CPQ: variants seen among roughly 807,000 people sequenced by gnomAD.
CPQ encodes the protein carboxypeptidase Q, also known as Ser-Met dipeptidase.
A neutral mutation model predicts 45.7 loss-of-function variants in CPQ; 37 were observed. That is an observed-to-expected ratio of 0.81 (90% confidence interval 0.62 to 1.07). The LOEUF (loss-of-function observed/expected upper bound fraction) is 1.07. Among genes scored for constraint, CPQ ranks in the 50% least tolerant of loss-of-function variants. The probability of loss-of-function intolerance (pLI) is 0.00; values close to 1 mark genes in which losing one functional copy is unlikely to be tolerated. For missense variants in CPQ, 537 were observed against 572.9 expected (o/e 0.94, Z 0.64); for synonymous variants, 186 against 205.8 (o/e 0.90, Z 0.82).
intron 5 of CPQ, among the ~76,000 whole-genome samples, chr8:96,986,527 C>T (rs1259875779): frequency 6.6e-6 from 1 of 152,122 alleles, no homozygotes; most frequent in African/African-American, 2.4e-5. Context: ...CAATGCCCAG[C>T]ATGAAGAAGA....
At chr8:97,045,582 C>G (rs1349609459) in intron 6 of CPQ, among the ~76,000 whole-genome samples, 1 of 152,234 alleles carries the variant, frequency 6.6e-6, no homozygotes, top group Non-Finnish European at 1.5e-5. Context: ...TTCTGCGTCG[C>G]TCATGCTGGG....
At chr8:96,813,229 A>T (rs368110228) in intron 2 of CPQ, among the ~76,000 whole-genome samples, 2 of 152,242 alleles carry the variant, frequency 1.3e-5, no homozygotes, top group South Asian at 4.1e-4. Flanking sequence ...TAATCAAGAG[A>T]TATTCTAGGC....
At chr8:96,746,958 G>A (rs776837074) in intron 1 of CPQ, among the ~76,000 whole-genome samples, 2 of 152,144 alleles carry the variant, frequency 1.3e-5, no homozygotes, top group African/African-American at 2.4e-5. Flanking sequence ...TGGATTTTAA[G>A]TAGTATGTTA....
chr8:97,044,931 A>G (rs755590005), intron 6 of CPQ, among the ~76,000 whole-genome samples: 4 of 152,202 alleles, frequency 2.6e-5, no homozygotes, highest in Non-Finnish European at 5.9e-5. Context: ...CTGGGGGGTC[A>G]GGGGTCAGGG....
chr8:96,958,405 G>A (rs1813393561), intron 4 of CPQ, among the ~76,000 whole-genome samples: 1 of 152,000 alleles, frequency 6.6e-6, no homozygotes, highest in Admixed American at 6.6e-5. Flanking sequence ...TACTGTGGTT[G>A]CTGAGGCTAA....
intron 4 of CPQ, among the ~76,000 whole-genome samples, chr8:96,899,875 A>G (rs1812492978): frequency 6.8e-6 from 1 of 146,328 alleles, no homozygotes; most frequent in Admixed American, 6.9e-5. Context: ...TCTGGGTAAG[A>G]GAAAGTCGAT....
intron 1 of CPQ, among the ~76,000 whole-genome samples, chr8:96,659,746 T>C (rs1158253467): frequency 6.6e-6 from 1 of 152,208 alleles, no homozygotes; most frequent in East Asian, 1.9e-4. Context: ...AGGCTCATAG[T>C]CGGGGAGATT....
intron 5 of CPQ, among the ~76,000 whole-genome samples, chr8:97,017,422 G>T (rs1202863475): frequency 6.6e-6 from 1 of 152,188 alleles, no homozygotes; most frequent in African/African-American, 2.4e-5. Context: ...GAACTGGGGG[G>T]AGGGCATGAA....
chr8:96,769,734 C>T (rs559312302), intron 1 of CPQ, among the ~76,000 whole-genome samples: 49 of 147,186 alleles, frequency 3.3e-4, no homozygotes, highest in Non-Finnish European at 4.5e-4. Flanking sequence ...TGGGCTCAAA[C>T]AATTCTCACA....
chr8:97,104,588 G>A (rs1811373512), intron 7 of CPQ, among the ~76,000 whole-genome samples: 1 of 152,166 alleles, frequency 6.6e-6, no homozygotes, highest in Admixed American at 6.5e-5. Flanking sequence ...TAAACACACA[G>A]TTACACACAC....
chr8:97,082,350 G>A (rs965452008), intron 7 of CPQ, among the ~76,000 whole-genome samples: 8 of 151,796 alleles, frequency 5.3e-5, no homozygotes, highest in East Asian at 1.9e-4. Context: ...TATCTGACCC[G>A]GTTGGAAAAG....
intron 1 of CPQ, among the ~76,000 whole-genome samples, chr8:96,662,478 T>G (rs1452850376): frequency 6.6e-6 from 1 of 152,230 alleles, no homozygotes; most frequent in Non-Finnish European, 1.5e-5. Flanking sequence ...CAATGTTTAT[T>G]TGTAGTATAT....
chr8:97,038,140 A>G (rs979335134), intron 6 of CPQ, among the ~76,000 whole-genome samples: 1 of 152,220 alleles, frequency 6.6e-6, no homozygotes, highest in Non-Finnish European at 1.5e-5. Context: ...TTAGCCCAGT[A>G]CCTTTAAAGA....
chr8:96,649,386 C>T (rs1225210337), intron 1 of CPQ, among the ~76,000 whole-genome samples: 3 of 152,004 alleles, frequency 2.0e-5, no homozygotes, highest in Non-Finnish European at 4.4e-5. Context: ...AAGGAAGAGC[C>T]AGAAGGCCAC....
intron 3 of CPQ, among the ~76,000 whole-genome samples, chr8:96,844,120 A>C (rs185526490): frequency 5.9e-5 from 9 of 152,346 alleles, no homozygotes; most frequent in Admixed American, 5.9e-4. Flanking sequence ...AGTGGCAAAA[A>C]GAAATGAATG....
At chr8:96,872,413 G>A (rs1812083784) in intron 3 of CPQ, among the ~76,000 whole-genome samples, 1 of 151,782 alleles carries the variant, frequency 6.6e-6, no homozygotes, top group African/African-American at 2.4e-5. Context: ...TGCTTAAACT[G>A]TATGTGTAAT....
intron 1 of CPQ, among the ~76,000 whole-genome samples, chr8:96,752,578 G>A (rs1810275641): frequency 6.6e-6 from 1 of 152,156 alleles, no homozygotes; most frequent in African/African-American, 2.4e-5. Flanking sequence ...TGCAAACAAA[G>A]ATAATTTGAC....
intron 6 of CPQ, among the ~76,000 whole-genome samples, chr8:97,054,903 G>A (rs776766182): frequency 3.9e-5 from 6 of 152,168 alleles, no homozygotes; most frequent in Non-Finnish European, 7.3e-5. Flanking sequence ...AAAAACCACT[G>A]TACCCCTAAA....
At chr8:96,956,901 G>A (rs1227939752) in intron 4 of CPQ, among the ~76,000 whole-genome samples, 1 of 152,210 alleles carries the variant, frequency 6.6e-6, no homozygotes, top group African/African-American at 2.4e-5. Flanking sequence ...AGGATTAAAA[G>A]CTAGAGGTAC....
Sources: allele counts gnomAD v4.1 joint callset (sites outside exome capture counted in the v4.1 genomes callset), GRCh38; gene constraint gnomAD v4.1.1; transcripts MANE v1.5; gene names NCBI Gene and HGNC (gene_info 2026-07-23, HGNC 2026-07-21).